The following RIGI variants were observed in gnomAD, a reference collection of about 807,000 sequenced individuals.
RIGI encodes the protein antiviral innate immune response receptor RIG-I.
chr9:32,492,304 G>T, the RIGI span: 1 of 1,457,674 alleles, frequency 6.9e-7, no homozygotes, highest in Non-Finnish European at 9.4e-7. Flanking sequence ...GGCTATCTGA[G>T]GGGAAAAACG....
the RIGI span, chr9:32,493,986 G>T: frequency 7.1e-7 from 1 of 1,399,660 alleles, no homozygotes; most frequent in Middle Eastern, 2.5e-4. Flanking sequence ...GAAACCAACT[G>T]AAAAATACTT....
the RIGI span, chr9:32,457,135 T>A: frequency 6.2e-7 from 1 of 1,613,032 alleles, no homozygotes; most frequent in Non-Finnish European, 8.5e-7. Flanking sequence ...TTTGGACATT[T>A]CTGCTGGATC....
At chr9:32,496,194 T>C in the RIGI span, among the ~76,000 whole-genome samples, 1 of 152,198 alleles carries the variant, frequency 6.6e-6, no homozygotes, top group Non-Finnish European at 1.5e-5. Context: ...CCCCTATGCT[T>C]TCTTCTAGGA....
At chr9:32,521,162 A>AAAAAAAAAAAT in the RIGI span, among the ~76,000 whole-genome samples, 1 of 147,914 alleles carries the variant, frequency 6.8e-6, no homozygotes, top group African/African-American at 2.5e-5. Flanking sequence ...AAAAAAAAAA[A>AAAAAAAAAAAT]CTTCACAGAA....
chr9:32,496,600 G>T, the RIGI span, among the ~76,000 whole-genome samples: 1 of 152,200 alleles, frequency 6.6e-6, no homozygotes, highest in Non-Finnish European at 1.5e-5. Flanking sequence ...ATTGTGGACA[G>T]CAGATCATGG....
At chr9:32,464,810 G>C in the RIGI span, among the ~76,000 whole-genome samples, 2 of 152,294 alleles carry the variant, frequency 1.3e-5, no homozygotes, top group South Asian at 2.1e-4. Context: ...ACTGGTTATA[G>C]GGCTTCTTGT....
At chr9:32,505,895 A>G in the RIGI span, among the ~76,000 whole-genome samples, 1 of 152,196 alleles carries the variant, frequency 6.6e-6, no homozygotes, top group Non-Finnish European at 1.5e-5. Flanking sequence ...TCTCAGAAGT[A>G]TAATTCCTCA....
At chr9:32,504,905 ATATAT>A in the RIGI span, among the ~76,000 whole-genome samples, 13 of 140,120 alleles carry the variant, frequency 9.3e-5, no homozygotes, top group Non-Finnish European at 1.2e-4. Flanking sequence ...ATATAAAAGT[ATATAT>A]TATATCTATT....
the RIGI span, among the ~76,000 whole-genome samples, chr9:32,469,871 A>G: frequency 6.7e-6 from 1 of 148,460 alleles, no homozygotes; most frequent in Non-Finnish European, 1.5e-5. Context: ...CCTGATCTCC[A>G]CTCACTGCTC....
chr9:32,485,530 T>G, the RIGI span: 2 of 474,552 alleles, frequency 4.2e-6, no homozygotes, highest in African/African-American at 2.3e-5. Flanking sequence ...CTAACTAGCT[T>G]CTTTTTTTTT....
At chr9:32,525,932 G>C in the RIGI span, 1 of 770,272 alleles carries the variant, frequency 1.3e-6, no homozygotes, top group Admixed American at 2.1e-5. Flanking sequence ...CTAAAATGCT[G>C]CGGAGATCTT....
At chr9:32,473,149 A>G in the RIGI span, 1 of 999,682 alleles carries the variant, frequency 1.0e-6, no homozygotes. Flanking sequence ...GCAAAAAGAA[A>G]AAAATTTAAA....
the RIGI span, among the ~76,000 whole-genome samples, chr9:32,457,576 T>G: frequency 6.6e-6 from 1 of 151,454 alleles, no homozygotes; most frequent in African/African-American, 2.4e-5. Flanking sequence ...AAAAATAGAT[T>G]CACCCAAAGT....
chr9:32,508,572 T>C, the RIGI span, among the ~76,000 whole-genome samples: 1 of 152,058 alleles, frequency 6.6e-6, no homozygotes, highest in Non-Finnish European at 1.5e-5. Flanking sequence ...CTGGCCCAGA[T>C]ACTATGCTTT....
chr9:32,509,511 T>C, the RIGI span, among the ~76,000 whole-genome samples: 1 of 152,204 alleles, frequency 6.6e-6, no homozygotes, highest in Non-Finnish European at 1.5e-5. Flanking sequence ...CTGAGGGGCC[T>C]GTTAGAAGGA....
the RIGI span, chr9:32,456,819 C>G: frequency 4.4e-6 from 1 of 228,000 alleles, no homozygotes; most frequent in South Asian, 1.2e-4. Flanking sequence ...ATTCATTCAT[C>G]TATCCCAGTG....
the RIGI span, chr9:32,489,291 GA>G: frequency 2.2e-5 from 29 of 1,322,920 alleles, no homozygotes; most frequent in East Asian, 4.7e-5. Flanking sequence ...TTCAACAAAA[GA>G]AAAAAAAGGA....
chr9:32,457,294 C>T, the RIGI span: 1 of 1,614,148 alleles, frequency 6.2e-7, no homozygotes, highest in Non-Finnish European at 8.5e-7. Flanking sequence ...GTCATGGCTG[C>T]AGTTCTGTCG....
the RIGI span, chr9:32,492,506 T>G: frequency 6.2e-7 from 1 of 1,614,202 alleles, no homozygotes; most frequent in Non-Finnish European, 8.5e-7. Flanking sequence ...CCAATTTCTC[T>G]GCACCTGCCA....
Sources: gnomAD v4.1 joint callset for allele counts (sites outside exome capture counted in the v4.1 genomes callset) on GRCh38, gnomAD v4.1.1 for gene constraint, MANE v1.5 for transcripts, NCBI Gene and HGNC (gene_info 2026-07-23, HGNC 2026-07-21) for gene names.